The following CSMD3 variants were observed in gnomAD, a reference collection of about 807,000 sequenced individuals.
CSMD3 encodes the protein CUB and sushi domain-containing protein 3.
A neutral mutation model predicts 435.2 loss-of-function variants in CSMD3; 177 were observed. The observed-to-expected ratio is 0.41, with a 90% CI of 0.36 to 0.46. The LOEUF is 0.46. Ranked by LOEUF, CSMD3 falls within the 20% of genes least tolerant of loss-of-function variation. The pLI is 0.34. For missense variants in CSMD3, 4,265 were observed against 4,504.6 expected (o/e 0.95, Z 1.52); for synonymous variants, 1,656 against 1,520.5 (o/e 1.09, Z -2.07).
intron 45 of CSMD3, among the ~76,000 whole-genome samples, chr8:112,323,042 T>C (rs913989300): frequency 6.6e-6 from 1 of 151,990 alleles, no homozygotes; most frequent in Non-Finnish European, 1.5e-5. Context: ...CAATTGAGTG[T>C]CAGACAATGC....
intron 1 of CSMD3, among the ~76,000 whole-genome samples, chr8:113,363,122 A>C (rs2094288209): frequency 6.6e-6 from 1 of 152,184 alleles, no homozygotes; most frequent in African/African-American, 2.4e-5. Context: ...ATTAAGTTAC[A>C]TTGACTCTCA....
intron 6 of CSMD3, among the ~76,000 whole-genome samples, chr8:112,981,162 C>T (rs2085038388): frequency 6.6e-6 from 1 of 151,000 alleles, no homozygotes; most frequent in African/African-American, 2.4e-5. Context: ...ATATATTACT[C>T]AATAATACAA....
intron 53 of CSMD3, among the ~76,000 whole-genome samples, chr8:112,296,696 A>G (rs1476411110): frequency 6.6e-6 from 1 of 152,102 alleles, no homozygotes; most frequent in Non-Finnish European, 1.5e-5. Context: ...CTAAAACTCC[A>G]TGTTAAGAAG....
At chr8:112,414,147 C>T (rs1159632023) in intron 32 of CSMD3, among the ~76,000 whole-genome samples, 2 of 152,178 alleles carry the variant, frequency 1.3e-5, no homozygotes, top group Non-Finnish European at 2.9e-5. Flanking sequence ...CTCTTCTCTA[C>T]TGCGAAACCC....
At chr8:112,816,280 A>G (rs1317343141) in intron 12 of CSMD3, among the ~76,000 whole-genome samples, 1 of 152,128 alleles carries the variant, frequency 6.6e-6, no homozygotes, top group East Asian at 1.9e-4. Context: ...GCTGCCCTCA[A>G]GGGATGAGTG....
At chr8:112,300,338 T>C (rs1308449906) in intron 53 of CSMD3, among the ~76,000 whole-genome samples, 9 of 150,080 alleles carry the variant, frequency 6.0e-5, no homozygotes. Flanking sequence ...TACTTAAAAA[T>C]GCATAAGTAA....
chr8:112,895,331 G>A (rs1257390665), intron 10 of CSMD3, among the ~76,000 whole-genome samples: 2 of 151,552 alleles, frequency 1.3e-5, no homozygotes, highest in South Asian at 4.2e-4. Flanking sequence ...ATGACGGTAA[G>A]TGGAGCCTGA....
chr8:113,323,079 G>A (rs1439075466), intron 1 of CSMD3, among the ~76,000 whole-genome samples: 1 of 152,056 alleles, frequency 6.6e-6, no homozygotes, highest in Admixed American at 6.6e-5. Context: ...ATTTAGATGA[G>A]TGCTTTTGAC....
chr8:112,425,730 A>G (rs138166379), intron 32 of CSMD3, among the ~76,000 whole-genome samples: 1 of 152,336 alleles, frequency 6.6e-6, no homozygotes, highest in East Asian at 1.9e-4. Flanking sequence ...ATTTTCATGA[A>G]TAATCACAAA....
intron 32 of CSMD3, among the ~76,000 whole-genome samples, chr8:112,444,202 A>G (rs1488070952): frequency 6.6e-6 from 1 of 152,246 alleles, no homozygotes; most frequent in Non-Finnish European, 1.5e-5. Flanking sequence ...CTGAAATTAA[A>G]AAGACTGATA....
chr8:112,620,852 T>C (rs1296892545), intron 22 of CSMD3, among the ~76,000 whole-genome samples: 1 of 152,110 alleles, frequency 6.6e-6, no homozygotes, highest in Admixed American at 6.6e-5. Flanking sequence ...TTTTAGAAAA[T>C]AAAATTCTCT....
chr8:113,245,167 T>C (rs2093262858), intron 3 of CSMD3, among the ~76,000 whole-genome samples: 1 of 152,144 alleles, frequency 6.6e-6, no homozygotes, highest in Admixed American at 6.6e-5. Flanking sequence ...AGTGTCTCTT[T>C]TGGATGGTAT....
intron 17 of CSMD3, 76 bp downstream of exon 17, chr8:112,666,201 G>A (rs2075520560): frequency 8.8e-7 from 1 of 1,138,106 alleles, no homozygotes; most frequent in Non-Finnish European, 1.3e-6. Flanking sequence ...ACATTCATTT[G>A]GTAAATGCAA....
At chr8:112,416,427 C>T (rs1811920458) in intron 32 of CSMD3, among the ~76,000 whole-genome samples, 1 of 152,170 alleles carries the variant, frequency 6.6e-6, no homozygotes, top group Non-Finnish European at 1.5e-5. Context: ...ATAAATTACC[C>T]AGTCTTGGAT....
rs994711060 is a variant in CSMD3, at chr8:112,409,096, CA to C, written c.5396-65del. ...ACCATCCAAAAACGAAAACAAAAAACAAAAAAATAGAAAGAGGAGGAGAGAG... is the reference window on the plus strand; with the variant it reads ...ACCATCCAAAAACGAAAACAAAAAACAAAAAATAGAAAGAGGAGGAGAGAG... On this transcript the variant is annotated intron_variant, in intron 32 of 70. Coordinates refer to ENST00000297405, the MANE Select transcript of CSMD3 (RefSeq NM_198123.2). The C allele has an allele frequency of 3.1e-6, 5 of 1,604,362 alleles. No individual in the cohort carries two copies. In the African/African-American group the frequency reaches 6.8e-5, roughly 22 times the overall value.
chr8:113,314,710 C>G lies in CSMD3; in HGVS notation c.262G>C (p.Gly88Arg), dbSNP rs2132670916. The G allele has an allele frequency of 6.2e-7, 1 of 1,612,968 alleles. No individual in the cohort carries two copies. Among genetic ancestry groups the G allele is most frequent in the East Asian group, 2.2e-5 (1 of 44,756 alleles). ...ATTATTACCCATGTGCAGTTTGCAC[C>G]ATTTGGATATCCATATGGAAAACCA... ...SPGFPYGYPN[G>R]ANCTWVIIAE... Residue 88 changes from glycine (G) to arginine (R), a missense_variant, in exon 2 of 71, where the codon GGT becomes CGT. This residue lies in a region of CSMD3 where 731 missense variants were observed against 755.4 expected (regional missense o/e 0.97). Coordinates refer to ENST00000297405, the MANE Select transcript of CSMD3 (RefSeq NM_198123.2).
chr8:112,841,639 TG>T (rs1449162378), intron 11 of CSMD3, among the ~76,000 whole-genome samples: 1 of 151,814 alleles, frequency 6.6e-6, no homozygotes, highest in Non-Finnish European at 1.5e-5. Flanking sequence ...TCCCAGGTAA[TG>T]TCTAGCTAAG....
rs182247387 is a variant in CSMD3, at chr8:112,551,484, C to T, written c.4362-611G>A. Among the ~76,000 whole-genome samples the T allele has an allele frequency of 3.9e-5, 6 of 152,156 alleles. 1 individual carries two copies. The East Asian group carries it at 7.7e-4, about 20-fold the overall frequency. On this transcript the variant is annotated intron_variant, in intron 26 of 70. Coordinates refer to ENST00000297405, the MANE Select transcript of CSMD3 (RefSeq NM_198123.2). Reference sequence around the variant, plus strand: ...AAATTTAGAAATCTAATTATATTGACATGCTCAACTCTACATACAATACAT... The same window carrying T: ...AAATTTAGAAATCTAATTATATTGATATGCTCAACTCTACATACAATACAT...
chr8:113,286,229 G>A (rs565236526), intron 2 of CSMD3, among the ~76,000 whole-genome samples: 2 of 151,804 alleles, frequency 1.3e-5, no homozygotes, highest in Non-Finnish European at 2.9e-5. Context: ...GTTCCCTTTT[G>A]GATGAAAACA....
Sources: allele counts gnomAD v4.1 joint callset (sites outside exome capture counted in the v4.1 genomes callset), GRCh38; gene constraint gnomAD v4.1.1; regional missense constraint gnomAD v4.1.1; transcripts MANE v1.5; gene names NCBI Gene and HGNC (gene_info 2026-07-23, HGNC 2026-07-21).